Variants in ATXN7L2 observed in about 807,000 individuals in gnomAD.
ATXN7L2 encodes the protein ataxin 7 like 2.
Under a neutral mutation model 59.6 loss-of-function variants are expected in ATXN7L2, and 17 were observed. The ratio of observed to expected loss-of-function variants is 0.29; its 90% CI spans 0.20 to 0.43. The LOEUF (loss-of-function observed/expected upper bound fraction) is 0.43. Among genes scored for constraint, ATXN7L2 ranks in the 20% least tolerant of loss-of-function variants. The pLI is 1.00. For missense variants in ATXN7L2, 858 were observed against 1,008.9 expected, an observed-to-expected ratio of 0.85 and a Z score of 2.03; for synonymous variants, 378 against 392.5, an observed-to-expected ratio of 0.96 and a Z score of 0.44.
intron 7 of ATXN7L2, 185 bp from the exon 8 acceptor site, chr1:109,489,745 C>G (rs1390512746): frequency 6.1e-6 from 4 of 652,368 alleles, no homozygotes; most frequent in Non-Finnish European, 1.1e-5. Flanking sequence ...GGAGCAGTCT[C>G]TCTGTCTCTT....
In ATXN7L2 at chr1:109,490,084, C is replaced by T. The variant is rs1223921736; in HGVS notation, c.1288C>T (p.Pro430Ser). Residue 430 changes from proline (P) to serine (S), a missense_variant, in exon 8 of 11, where the codon CCC becomes TCC. By Grantham distance (74) the Pro-to-Ser change is moderately conservative (BLOSUM62 -1). Transcript: ENST00000683729. ...GGGGACATCTGACGACCTCCACCCA[C>T]CCCCTGACTGCCATTATGCAACCCG... ...EEGTSDDLHP[P>S]PDCHYATRPP... 1.3e-6 allele frequency: 2 copies of T among 1,595,138 alleles called. No homozygotes were observed. The highest frequency in any genetic ancestry group is 1.3e-5 in the African/African-American group (1 of 74,330).
At chr1:109,489,820 C>A in intron 7 of ATXN7L2, 110 bp from the exon 8 acceptor site, 1 of 1,122,720 alleles carries the variant, frequency 8.9e-7, no homozygotes, top group Non-Finnish European at 1.3e-6. Context: ...GATTGCCCTG[C>A]AGGGTGTCTG....
chr1:109,485,477 T>G (rs746678174), intron 1 of ATXN7L2: 69 of 985,080 alleles, frequency 7.0e-5, no homozygotes, highest in Non-Finnish European at 8.1e-5. Context: ...GTGCAGGACC[T>G]GAGAAGCTGG....
chr1:109,489,846 C>T, intron 7 of ATXN7L2, 84 bp from the exon 8 acceptor site: 25 of 1,497,674 alleles, frequency 1.7e-5, no homozygotes, highest in Non-Finnish European at 2.2e-5. Context: ...GTGCCCTGCT[C>T]TTTGAGCTCG....
At chr1:109,484,896 A>G (rs979367581) in intron 1 of ATXN7L2, among the ~76,000 whole-genome samples, 1 of 152,178 alleles carries the variant, frequency 6.6e-6, no homozygotes, top group Non-Finnish European at 1.5e-5. Flanking sequence ...CTCCTCTGAG[A>G]CATCCGACTC....
chr1:109,492,712 A>G lies in ATXN7L2; in HGVS notation c.*112A>G, dbSNP rs2101044016. The G allele has an allele frequency of 7.5e-7, 1 of 1,338,748 alleles. No homozygotes were observed. Among genetic ancestry groups the G allele is most frequent in the Non-Finnish European group, 1.0e-6 (1 of 969,460 alleles). The allele number at this position is 1,338,748 out of a possible 1,614,324, so 82.9% of individuals were successfully genotyped here. Reference sequence around the variant, plus strand: ...CTTTATATTATTTTTTTTTAAGAAAAAAAGCTCTTTAAAATACCTCAAGAC... The same window carrying G: ...CTTTATATTATTTTTTTTTAAGAAAGAAAGCTCTTTAAAATACCTCAAGAC... On this transcript the variant is annotated 3_prime_UTR_variant, in exon 11 of 11. Transcript: ENST00000683729.
Position 109,488,571 on chromosome 1 carries a change from G to A in ATXN7L2, c.879+106G>A. 7.5e-7 allele frequency: 1 copy of A among 1,328,828 alleles called. No homozygotes were observed. 82.3% of individuals were successfully genotyped at this position (1,328,828 alleles called of 1,614,324 possible). A position where few individuals can be genotyped will look rare whatever the true frequency, so the allele number is the denominator to read the frequency against. ...GATGTTACTGAAGGTCCAGCTTAAG[G>A]GAGGGCAGTTAGGCCCACCCAAGGG... On this transcript the variant is annotated intron_variant, in intron 6 of 10. Transcript: ENST00000683729. This position sits in a 1 kb window ranked among gnomAD's most constrained non-coding sequence, Gnocchi z 5.0.
Position 109,487,599 on chromosome 1 carries a change from C to T in ATXN7L2, c.591C>T (p.Pro197=), listed in dbSNP as rs770335760. Residue 197 remains proline (P), a synonymous_variant, in exon 5 of 11, where the codon CCC becomes CCT. Coordinates refer to ENST00000683729, the MANE Select transcript of ATXN7L2 (RefSeq NM_001350175.2). ...PDGHGIRVAP[P]SAFLSQPGGL... ...GACATGGAATCAGGGTGGCCCCACC[C>T]TCTGCTTTTCTCAGCCAGCCAGGGG... The T allele has an allele frequency of 3.8e-6, 6 of 1,577,422 alleles. No individual in the cohort carries two copies. Among genetic ancestry groups the T allele is most frequent in the Admixed American group, 1.8e-5 (1 of 54,492 alleles).
At position 109,485,402 on chromosome 1, in the gene ATXN7L2, A is replaced by AG. The variant is rs752370423; in HGVS notation, c.128-653dup. ...GGGGAGGGACTTGCATAGCTGACCA[A>AG]GGAGACTTTGAAGATGCTCAAGGAC... On this transcript the variant is annotated intron_variant, in intron 1 of 10. Transcript: ENST00000683729. The AG allele has an allele frequency of 2.0e-5, 20 of 985,378 alleles. No individual in the cohort carries two copies. In the Admixed American group the frequency reaches 3.7e-4, roughly 18 times the overall value. 61.0% of individuals were successfully genotyped at this position (985,378 alleles called of 1,614,324 possible).
chr1:109,489,350 C>T (rs1571087353), intron 7 of ATXN7L2: 1 of 544,432 alleles, frequency 1.8e-6, no homozygotes, highest in East Asian at 3.1e-5. Flanking sequence ...AACATTTTCC[C>T]AGCTGCCTCC....
Position 109,491,767 on chromosome 1 carries a change from T to C in ATXN7L2, c.2250+50T>C, listed in dbSNP as rs1415804135. On this transcript the variant is annotated intron_variant, in intron 10 of 10. Coordinates refer to ENST00000683729, the MANE Select transcript of ATXN7L2 (RefSeq NM_001350175.2). The surrounding 1 kb of genome is among the most constrained non-coding windows in gnomAD (Gnocchi z 4.1). The stretch of plus-strand genomic sequence containing the variant: ...TGATGAGGGTGGGGCACACAGGGGG[T>C]ACCTGATACAGAGAAGATGCTACAT... The C allele has an allele frequency of 2.0e-6, 3 of 1,492,086 alleles. No individual in the cohort carries two copies. Among genetic ancestry groups the C allele is most frequent in the South Asian group, 1.3e-5 (1 of 76,262 alleles). The allele number at this position is 1,492,086 out of a possible 1,614,324, so 92.4% of individuals were successfully genotyped here. A position where few individuals can be genotyped will look rare whatever the true frequency, so the allele number is the denominator to read the frequency against.
In ATXN7L2 at chr1:109,491,369, G is replaced by A. The variant is rs780232359; in HGVS notation, c.1902G>A (p.Ser634=). The A allele has an allele frequency of 6.2e-6, 10 of 1,614,128 alleles. No homozygotes were observed. The highest frequency in any genetic ancestry group is 1.7e-5 in the Admixed American group (1 of 60,010). The change falls in exon 10 of 11, where the codon TCG becomes TCA. Residue 634 remains serine (S), a synonymous_variant. Coordinates refer to ENST00000683729, the MANE Select transcript of ATXN7L2 (RefSeq NM_001350175.2). This position sits in a 1 kb window ranked among gnomAD's most constrained non-coding sequence, Gnocchi z 4.1. ...KGKPSGCRGL[S]AKTKTALSMG... ...AACCCTCTGGCTGTAGGGGCCTCTC[G>A]GCCAAAACTAAAACAGCCCTGAGCA...
chr1:109,484,057 G>A lies in ATXN7L2; in HGVS notation c.104G>A (p.Arg35Gln). 2 of 1,516,896 alleles carry A rather than the reference G, an allele frequency of 1.3e-6. No individual in the cohort carries two copies. The highest frequency in any genetic ancestry group is 1.8e-6 in the Non-Finnish European group (2 of 1,129,504). The allele number at this position is 1,516,896 out of a possible 1,614,324, so 94.0% of individuals were successfully genotyped here. ...AGQSWSSWVE[R>Q]ADLPAADGAE... ...CAGAGCTGGAGCTCGTGGGTGGAGC[G>A]GGCCGACCTGCCCGCGGCTGACGGT... The change falls in exon 1 of 11, where the codon CGG (arginine) becomes CAG (glutamine). Residue 35 changes from arginine (R) to glutamine (Q), a missense_variant. Around this residue, in one of 3 missense-constraint regions of ATXN7L2, gnomAD observed 95 missense variants for 82.6 expected, o/e 1.15. Transcript: ENST00000683729.
At position 109,489,912 on chromosome 1, in the gene ATXN7L2, C is replaced by G. The variant is rs1263300170; in HGVS notation, c.1134-18C>G. The stretch of plus-strand genomic sequence containing the variant: ...CACAACAGTCACATTCCCCTGGCAT[C>G]CCTTTTGGCCCTTCCAGGTCCCGGG... On this transcript the variant is annotated intron_variant, in intron 7 of 10. Transcript: ENST00000683729. The G allele has an allele frequency of 6.2e-7, 1 of 1,612,748 alleles. No homozygotes were observed. The highest frequency in any genetic ancestry group is 1.1e-5 in the South Asian group (1 of 91,054).
chr1:109,489,821 A>G, intron 7 of ATXN7L2, 109 bp from the exon 8 acceptor site: 1 of 1,129,496 alleles, frequency 8.9e-7, no homozygotes, highest in Non-Finnish European at 1.3e-6. Context: ...ATTGCCCTGC[A>G]GGGTGTCTGC....
Position 109,487,804 on chromosome 1 carries a change from C to T in ATXN7L2, c.796C>T (p.Arg266Trp), listed in dbSNP as rs372058914. 8 of 1,592,364 alleles carry T rather than the reference C, an allele frequency of 5.0e-6. No individual in the cohort carries two copies. Among genetic ancestry groups the T allele is most frequent in the Non-Finnish European group, 6.8e-6 (8 of 1,170,568 alleles). Residue 266 changes from arginine to tryptophan, a missense_variant and splice_region_variant, in exon 5 of 11, where the codon CGG (arginine) becomes TGG (tryptophan). By Grantham distance (101) the Arg-to-Trp change is moderately radical (BLOSUM62 -3). Coordinates refer to ENST00000683729, the MANE Select transcript of ATXN7L2 (RefSeq NM_001350175.2). ...CCCTAAAACCCACCGGAAGATGGCTCGTGAGTAGTTGTGGTCTTGGGGGTC... is the reference window on the plus strand; with the variant it reads ...CCCTAAAACCCACCGGAAGATGGCTTGTGAGTAGTTGTGGTCTTGGGGGTC... ...LPPKTHRKMA[R>W]KECDLNRQCG...
chr1:109,487,238 T>C, intron 4 of ATXN7L2, 21 bp downstream of exon 4: 4 of 1,495,996 alleles, frequency 2.7e-6, no homozygotes, highest in African/African-American at 1.4e-5. Flanking sequence ...GCTGGAAACT[T>C]TCTAAGACTG....
chr1:109,487,802 C>G lies in ATXN7L2; in HGVS notation c.794C>G (p.Ala265Gly). Residue 265 changes from alanine to glycine, a missense_variant and splice_region_variant, in exon 5 of 11, where the codon GCT becomes GGT. Coordinates refer to ENST00000683729, the MANE Select transcript of ATXN7L2 (RefSeq NM_001350175.2). ...CCCCCTAAAACCCACCGGAAGATGG[C>G]TCGTGAGTAGTTGTGGTCTTGGGGG... ...RLPPKTHRKM[A>G]RKECDLNRQC... 6.3e-7 allele frequency: 1 copy of G among 1,593,588 alleles called. No homozygotes were observed. Among genetic ancestry groups the G allele is most frequent in the Non-Finnish European group, 8.5e-7 (1 of 1,171,052 alleles).
intron 1 of ATXN7L2, chr1:109,485,546 G>A: frequency 1.0e-6 from 1 of 985,596 alleles, no homozygotes; most frequent in African/African-American, 1.7e-5. Context: ...TCATGGGGGT[G>A]GGGACCTGGG....
Sources: gnomAD v4.1 joint callset for allele counts (sites outside exome capture counted in the v4.1 genomes callset) on GRCh38, gnomAD v4.1.1 for gene constraint, gnomAD v4.1.1 regional missense constraint, Gnocchi (gnomAD v3.1) non-coding constraint, MANE v1.5 for transcripts, NCBI Gene and HGNC (gene_info 2026-07-23, HGNC 2026-07-21) for gene names.